Variants in NTRK2 observed in about 807,000 individuals in gnomAD.
The protein encoded by NTRK2 is neurotrophic receptor tyrosine kinase 2.
A neutral mutation model predicts 94.5 loss-of-function variants in NTRK2; 13 were observed. That is an observed-to-expected ratio of 0.14 (90% CI 0.09 to 0.22). NTRK2 has a LOEUF of 0.22. Ranked by LOEUF, NTRK2 falls within the 10% of genes least tolerant of loss-of-function variation. The pLI is 1.00. For synonymous variants in NTRK2, 372 were observed against 407.4 expected, an observed-to-expected ratio of 0.91 and a Z score of 1.05; for missense variants, 639 against 1,071.2, an observed-to-expected ratio of 0.60 and a Z score of 5.63.
chr9:84,969,900 T>A (rs1825985863), intron 17 of NTRK2, among the ~76,000 whole-genome samples: 1 of 152,170 alleles, frequency 6.6e-6, no homozygotes, highest in Non-Finnish European at 1.5e-5. Context: ...ATTAGACATG[T>A]ATAATACAAT....
At chr9:84,888,742 C>G (rs1006809435) in intron 14 of NTRK2, among the ~76,000 whole-genome samples, 1 of 150,672 alleles carries the variant, frequency 6.6e-6, no homozygotes, top group Non-Finnish European at 1.5e-5. Context: ...GCACTGGGCA[C>G]CAATCCTATA....
At chr9:84,896,423 C>T (rs1370695797) in intron 14 of NTRK2, among the ~76,000 whole-genome samples, 2 of 152,154 alleles carry the variant, frequency 1.3e-5, no homozygotes, top group African/African-American at 4.8e-5. Context: ...ATTGGAAGCA[C>T]ATTTTTTCCT....
chr9:84,923,771 C>G (rs1237416809), intron 14 of NTRK2, among the ~76,000 whole-genome samples: 1 of 152,012 alleles, frequency 6.6e-6, no homozygotes, highest in East Asian at 1.9e-4. Flanking sequence ...CAAAAATTAG[C>G]TGGGTATGGT....
chr9:84,956,502 C>G (rs11794393), intron 17 of NTRK2, among the ~76,000 whole-genome samples: 14,153 of 152,200 alleles, frequency 0.093, 770 homozygotes, highest in African/African-American at 0.14. Flanking sequence ...TGATTTTCTA[C>G]CAACCCTCAA....
At chr9:84,935,819 G>A (rs2078195900) in intron 15 of NTRK2, among the ~76,000 whole-genome samples, 1 of 152,200 alleles carries the variant, frequency 6.6e-6, no homozygotes, top group South Asian at 2.1e-4. Context: ...ATTTGGCAGT[G>A]TTAAATCTGC....
chr9:84,797,677 TATATA>T (rs1333827363), intron 12 of NTRK2, among the ~76,000 whole-genome samples: 1 of 84,024 alleles, frequency 1.2e-5, no homozygotes, highest in African/African-American at 5.1e-5. Context: ...TTATATATTA[TATATA>T]CTATAATATA....
chr9:84,850,101 G>A (rs2074682884), intron 12 of NTRK2, among the ~76,000 whole-genome samples: 1 of 152,032 alleles, frequency 6.6e-6, no homozygotes, highest in Non-Finnish European at 1.5e-5. Context: ...TTTCTGATTT[G>A]GGGAATAAAT....
intron 17 of NTRK2, among the ~76,000 whole-genome samples, chr9:84,994,639 C>A (rs1295609390): frequency 6.6e-6 from 1 of 152,184 alleles, no homozygotes; most frequent in Admixed American, 6.5e-5. Context: ...GTCACCATGA[C>A]CCAGTTTTAG....
At chr9:84,861,461 C>T (rs2075336180) in intron 13 of NTRK2, among the ~76,000 whole-genome samples, 1 of 152,190 alleles carries the variant, frequency 6.6e-6, no homozygotes, top group Non-Finnish European at 1.5e-5. Flanking sequence ...TAGGTCTTAA[C>T]TTTCTTCCAT....
intron 6 of NTRK2, among the ~76,000 whole-genome samples, chr9:84,721,317 A>G (rs2062049167): frequency 6.6e-6 from 1 of 151,820 alleles, no homozygotes. Context: ...CTGGGATTAC[A>G]GGCACCCGCC....
chr9:84,783,466 T>C (rs191084428), intron 12 of NTRK2, among the ~76,000 whole-genome samples: 12 of 152,350 alleles, frequency 7.9e-5, no homozygotes, highest in Non-Finnish European at 1.3e-4. Context: ...CTTAATTTTA[T>C]TCACTTTCAG....
intron 10 of NTRK2, among the ~76,000 whole-genome samples, chr9:84,743,002 T>C (rs2063781386): frequency 6.6e-6 from 1 of 151,986 alleles, no homozygotes; most frequent in African/African-American, 2.4e-5. Context: ...GGTTTTACCA[T>C]GTTGGCCAGG....
intron 17 of NTRK2, among the ~76,000 whole-genome samples, chr9:84,986,353 C>T (rs1374735353): frequency 6.6e-6 from 1 of 152,188 alleles, no homozygotes; most frequent in Non-Finnish European, 1.5e-5. Context: ...TGTTCCACTT[C>T]AGGTCATCAT....
At chr9:84,872,520 T>A (rs2132120173) in intron 14 of NTRK2, 1 of 1,066,588 alleles carries the variant, frequency 9.4e-7, no homozygotes, top group Middle Eastern at 4.2e-4. Context: ...TGTACCTGGA[T>A]GTGTTTGTAC....
chr9:84,892,735 A>G (rs997157812), intron 14 of NTRK2, among the ~76,000 whole-genome samples: 1 of 152,234 alleles, frequency 6.6e-6, no homozygotes, highest in African/African-American at 2.4e-5. Flanking sequence ...AGCCTGGCCA[A>G]CATGATGAAA....
At chr9:84,775,547 C>T (rs1242176254) in intron 12 of NTRK2, among the ~76,000 whole-genome samples, 1 of 152,148 alleles carries the variant, frequency 6.6e-6, no homozygotes, top group African/African-American at 2.4e-5. Flanking sequence ...ATTTCTTTTG[C>T]TCTTGGTTCT....
chr9:84,698,288 G>T (rs1187339), intron 2 of NTRK2, among the ~76,000 whole-genome samples: 2 of 151,778 alleles, frequency 1.3e-5, no homozygotes, highest in Non-Finnish European at 2.9e-5. Flanking sequence ...ATTGTTTTAT[G>T]TTACATGTAC....
intron 2 of NTRK2, among the ~76,000 whole-genome samples, chr9:84,697,003 C>T (rs2060420218): frequency 6.6e-6 from 1 of 152,130 alleles, no homozygotes; most frequent in African/African-American, 2.4e-5. Flanking sequence ...CTGGGCAGAA[C>T]AGGATGGTTG....
chr9:84,738,631 T>A (rs995681323), intron 9 of NTRK2, among the ~76,000 whole-genome samples: 7 of 152,136 alleles, frequency 4.6e-5, no homozygotes, highest in African/African-American at 1.7e-4. Flanking sequence ...TGAGCTGGGG[T>A]CAGCTGTAGT....
Sources: allele counts gnomAD v4.1 joint callset (sites outside exome capture counted in the v4.1 genomes callset), GRCh38; gene constraint gnomAD v4.1.1; transcripts MANE v1.5; gene names NCBI Gene and HGNC (gene_info 2026-07-23, HGNC 2026-07-21).